Variants in NSD3 observed in about 807,000 individuals in gnomAD.
NSD3 encodes the protein nuclear receptor binding SET domain protein 3.
A neutral mutation model predicts 160.8 loss-of-function variants in NSD3; 24 were observed. The observed-to-expected ratio is 0.15, with a 90% confidence interval of 0.11 to 0.21. The LOEUF is 0.21. NSD3 is among the 10% of genes least tolerant of loss of function. The pLI is 1.00. For synonymous variants in NSD3, 520 were observed against 600.0 expected (o/e 0.87, Z 1.95); for missense variants, 1,157 against 1,735.9 (o/e 0.67, Z 5.93).
At chr8:38,378,818 C>A (rs1811466857) in intron 1 of NSD3, among the ~76,000 whole-genome samples, 1 of 133,418 alleles carries the variant, frequency 7.5e-6, no homozygotes, top group Non-Finnish European at 1.6e-5. Flanking sequence ...AGTGAGACTC[C>A]ATCTCTCAAA....
At position 38,288,598 on chromosome 8, in the gene NSD3, A is replaced by G; in HGVS notation, c.3390T>C (p.Ala1130=). The change falls in exon 19 of 24, where the codon GCT becomes GCC. Residue 1130 remains alanine (A), a synonymous_variant. Transcript: ENST00000317025. The surrounding 1 kb of genome is among the most constrained non-coding windows in gnomAD (Gnocchi z 4.5). ...QYECHPQVCP[A]GDRCQNQCFT... The stretch of plus-strand genomic sequence containing the variant: ...AGCACTGGTTCTGACAACGATCTCC[A>G]GCTGGGCACACCTGCGGGTGGCATT... 2 of 1,614,196 alleles carry G rather than the reference A, an allele frequency of 1.2e-6. No homozygotes were observed. Among genetic ancestry groups the G allele is most frequent in the South Asian group, 2.2e-5 (2 of 91,082 alleles).
At chr8:38,366,493 C>A (rs1811110983) in intron 1 of NSD3, among the ~76,000 whole-genome samples, 1 of 149,146 alleles carries the variant, frequency 6.7e-6, no homozygotes, top group Non-Finnish European at 1.5e-5. Flanking sequence ...CAGCTCACTG[C>A]AACCTTTGCC....
chr8:38,374,743 G>A (rs1380252744), intron 1 of NSD3, among the ~76,000 whole-genome samples: 2 of 152,184 alleles, frequency 1.3e-5, no homozygotes, highest in African/African-American at 4.8e-5. Flanking sequence ...AGTGGCTCAC[G>A]CCTGTAATCC....
chr8:38,312,262 A>T (rs1009172276), intron 12 of NSD3, among the ~76,000 whole-genome samples: 17 of 151,930 alleles, frequency 1.1e-4, no homozygotes, highest in South Asian at 4.2e-4. Context: ...TTTATTAAAA[A>T]TTTTTTTTCA....
chr8:38,274,782 C>T lies in NSD3; in HGVS notation c.*859G>A, dbSNP rs1175611518. On this transcript the variant is annotated 3_prime_UTR_variant, in exon 24 of 24. Transcript: ENST00000317025. ...TTATGCCTTCATCCCCCTTTAGCTG[C>T]CTTAATCAGTGTCAGGAAAATAGGA... 1.8e-5 allele frequency: 3 copies of T among 165,564 alleles called. No homozygotes were observed. The highest frequency in any genetic ancestry group is 7.2e-5 in the African/African-American group (3 of 41,866). 10.3% of individuals were successfully genotyped at this position (165,564 alleles called of 1,614,324 possible).
chr8:38,337,212 T>C, intron 4 of NSD3, 93 bp downstream of exon 4: 2 of 1,128,888 alleles, frequency 1.8e-6, no homozygotes, highest in South Asian at 2.4e-5. Context: ...TCAGATTATA[T>C]ATTACGTGTG....
At chr8:38,338,996 C>T (rs542244422) in intron 2 of NSD3, among the ~76,000 whole-genome samples, 1 of 151,952 alleles carries the variant, frequency 6.6e-6, no homozygotes, top group South Asian at 2.1e-4. Context: ...AAAAAATAGC[C>T]GGGCATGGTG....
chr8:38,354,416 A>C (rs1810773236), intron 1 of NSD3, among the ~76,000 whole-genome samples: 1 of 152,242 alleles, frequency 6.6e-6, no homozygotes, highest in South Asian at 2.1e-4. Context: ...GATTAAACAG[A>C]TATTGTGGAG....
chr8:38,337,252 A>G, intron 4 of NSD3, 53 bp downstream of exon 4: 3 of 1,458,550 alleles, frequency 2.1e-6, no homozygotes. Flanking sequence ...AACATTTAAA[A>G]GTCACTTTTA....
At chr8:38,326,645 C>T (rs1809919167) in intron 7 of NSD3, 85 bp downstream of exon 7, 1 of 1,334,264 alleles carries the variant, frequency 7.5e-7, no homozygotes, top group Non-Finnish European at 9.7e-7. Flanking sequence ...CTAAGAGTTT[C>T]TTAGAAACAC....
rs995487329 is a variant in NSD3, at chr8:38,290,879, G to T, written c.2916-202C>A. ...TAAACAAATTAGGCCCTAAACACCT[G>T]ATCTACTTTCTTTTAAAAAATATTT... is the stretch of plus-strand genomic sequence containing the variant. On this transcript the variant is annotated intron_variant, in intron 16 of 23. Transcript: ENST00000317025. 4.6e-5 allele frequency: 21 copies of T among 459,716 alleles called. No individual in the cohort carries two copies. In the South Asian group the frequency reaches 7.4e-4, roughly 16 times the overall value. The allele number at this position is 459,716 out of a possible 1,614,324, so 28.5% of individuals were successfully genotyped here.
At chr8:38,352,797 A>C (rs1585916207) in intron 1 of NSD3, among the ~76,000 whole-genome samples, 2 of 151,774 alleles carry the variant, frequency 1.3e-5, no homozygotes, top group Non-Finnish European at 2.9e-5. Flanking sequence ...ATAGAGATGG[A>C]GTTTCACTAT....
rs1056316870 is a variant in NSD3, at chr8:38,319,164, T to G, written c.1810-224A>C. On this transcript the variant is annotated intron_variant, in intron 8 of 23. Coordinates refer to ENST00000317025, the MANE Select transcript of NSD3 (RefSeq NM_023034.2). The surrounding 1 kb of genome is among the most constrained non-coding windows in gnomAD (Gnocchi z 4.1). ...TATCAAGTGACAACACACAGCCACA[T>G]GCTCTCTAGCAAAGACTTTTCCCAC... 2 of 496,560 alleles carry G rather than the reference T, an allele frequency of 4.0e-6. No individual in the cohort carries two copies. Among genetic ancestry groups the G allele is most frequent in the Non-Finnish European group, 7.2e-6 (2 of 279,134 alleles). The allele number at this position is 496,560 out of a possible 1,614,324, so 30.8% of individuals were successfully genotyped here. A position where few individuals can be genotyped will look rare whatever the true frequency, so the allele number is the denominator to read the frequency against.
chr8:38,365,912 C>T (rs923861709), intron 1 of NSD3, among the ~76,000 whole-genome samples: 1 of 151,884 alleles, frequency 6.6e-6, no homozygotes, highest in Non-Finnish European at 1.5e-5. Flanking sequence ...ATTTAAATTA[C>T]GGTTTACTCA....
rs1210541363 is a variant in NSD3, at chr8:38,331,465, G to T, written c.1031C>A (p.Thr344Asn). 6.2e-7 allele frequency: 1 copy of T among 1,606,360 alleles called. No homozygotes were observed. The highest frequency in any genetic ancestry group is 8.5e-7 in the Non-Finnish European group (1 of 1,176,586). The change falls in exon 5 of 24, where the codon ACC becomes AAC. Residue 344 changes from threonine to asparagine, a missense_variant. By Grantham distance (65) the Thr-to-Asn change is moderately conservative. This residue lies in a region of NSD3 where 168 missense variants were observed against 208.1 expected (regional missense o/e 0.81). Coordinates refer to ENST00000317025, the MANE Select transcript of NSD3 (RefSeq NM_023034.2). ...CTCAGAGTGATTGCTGGCTTGTTTG[G>T]TTGCCTCAGCCAGTAATTCTTCATA... ...KQYEELLAEA[T>N]KQASNHSEKQ...
rs1223985210 is a variant in NSD3 at position 38,291,912 on chromosome 8, T to C, written c.2916-1235A>G. The stretch of plus-strand genomic sequence containing the variant: ...TGGAAAGAAATACATTAAGAATTAG[T>C]TCACGGATGGAAGTCTTTCCAAAAC... On this transcript the variant is annotated intron_variant, in intron 16 of 23. Coordinates refer to ENST00000317025, the MANE Select transcript of NSD3 (RefSeq NM_023034.2). Among the ~76,000 whole-genome samples, 3 of 152,234 alleles carry C rather than the reference T, an allele frequency of 2.0e-5. No individual in the cohort carries two copies. In the East Asian group the frequency reaches 5.8e-4, roughly 29 times the overall value.
chr8:38,296,908 C>T (rs760070273), intron 15 of NSD3, among the ~76,000 whole-genome samples: 3 of 151,976 alleles, frequency 2.0e-5, no homozygotes, highest in African/African-American at 4.8e-5. Context: ...ACAATTTCTC[C>T]GATTTTTATT....
chr8:38,367,084 T>G (rs1030430990), intron 1 of NSD3, among the ~76,000 whole-genome samples: 1 of 152,162 alleles, frequency 6.6e-6, no homozygotes, highest in Non-Finnish European at 1.5e-5. Context: ...GTTCAGCAAA[T>G]AGATCTCTAT....
At chr8:38,323,565 C>T (rs1300275760) in intron 7 of NSD3, among the ~76,000 whole-genome samples, 2 of 151,962 alleles carry the variant, frequency 1.3e-5, no homozygotes, top group African/African-American at 4.8e-5. Flanking sequence ...TGTCTGTAAT[C>T]CCAACACTTC....
Sources: gnomAD v4.1 joint callset for allele counts (sites outside exome capture counted in the v4.1 genomes callset) on GRCh38, gnomAD v4.1.1 for gene constraint, gnomAD v4.1.1 regional missense constraint, Gnocchi (gnomAD v3.1) non-coding constraint, MANE v1.5 for transcripts, NCBI Gene and HGNC (gene_info 2026-07-23, HGNC 2026-07-21) for gene names.